Variants in SIPA1L2 observed in about 807,000 individuals in gnomAD.
The protein encoded by SIPA1L2 is signal-induced proliferation-associated 1-like protein 2.
Under a neutral mutation model 163.9 loss-of-function variants are expected in SIPA1L2, and 56 were observed. The ratio of observed to expected loss-of-function variants is 0.34; its 90% confidence interval spans 0.28 to 0.43. The LOEUF is 0.43. Among genes scored for constraint, SIPA1L2 ranks in the 20% least tolerant of loss-of-function variants. The probability of loss-of-function intolerance (pLI) is 1.00; values close to 1 mark genes in which losing one functional copy is unlikely to be tolerated. For missense variants in SIPA1L2, 1,974 were observed against 2,193.5 expected (o/e 0.90, Z 2.00); for synonymous variants, 877 against 865.7 (o/e 1.01, Z -0.23).
At chr1:232,473,962 T>C (rs1664915480) in intron 7 of SIPA1L2, among the ~76,000 whole-genome samples, 1 of 152,228 alleles carries the variant, frequency 6.6e-6, no homozygotes, top group Non-Finnish European at 1.5e-5. Context: ...TTTAGGACTT[T>C]GTCAAACATG....
chr1:232,430,094 C>A (rs192283805), intron 16 of SIPA1L2, among the ~76,000 whole-genome samples: 5 of 152,294 alleles, frequency 3.3e-5, no homozygotes, highest in Admixed American at 3.3e-4. Flanking sequence ...TGCCTGCCAC[C>A]GTGAGTAGTG....
chr1:232,531,502 T>C (rs1459648106), intron 2 of SIPA1L2, among the ~76,000 whole-genome samples: 1 of 152,226 alleles, frequency 6.6e-6, no homozygotes, highest in African/African-American at 2.4e-5. Flanking sequence ...TTTTATTTTT[T>C]CAACAAATAC....
chr1:232,404,101 C>T, intron 20 of SIPA1L2, 24 bp downstream of exon 20: 3 of 1,613,824 alleles, frequency 1.9e-6, no homozygotes, highest in Non-Finnish European at 2.5e-6. Context: ...TATCAGGAGC[C>T]AACGAGCAGC....
At chr1:232,542,781 T>C (rs1488569981) in intron 2 of SIPA1L2, among the ~76,000 whole-genome samples, 2 of 152,234 alleles carry the variant, frequency 1.3e-5, no homozygotes, top group African/African-American at 4.8e-5. Flanking sequence ...ATTCTGGTAG[T>C]CTGGGTCTTC....
chr1:232,529,100 G>A (rs77235798), intron 2 of SIPA1L2, among the ~76,000 whole-genome samples: 2,228 of 152,276 alleles, frequency 0.015, 59 homozygotes, highest in African/African-American at 0.051. Context: ...TTAGGTCATT[G>A]TTCTTTATAC....
intron 10 of SIPA1L2, among the ~76,000 whole-genome samples, chr1:232,457,772 A>C (rs530395763): frequency 6.6e-6 from 1 of 152,316 alleles, no homozygotes; most frequent in East Asian, 1.9e-4. Flanking sequence ...AGAAGGCTAA[A>C]CATGCTGAGC....
chr1:232,503,243 C>A (rs1417251435), intron 3 of SIPA1L2, among the ~76,000 whole-genome samples: 1 of 152,068 alleles, frequency 6.6e-6, no homozygotes, highest in Non-Finnish European at 1.5e-5. Flanking sequence ...AATCAGCTAA[C>A]AAGATCGCAG....
At chr1:232,474,892 T>C (rs1664964349) in intron 7 of SIPA1L2, among the ~76,000 whole-genome samples, 1 of 152,208 alleles carries the variant, frequency 6.6e-6, no homozygotes, top group African/African-American at 2.4e-5. Context: ...AGCCTCTATG[T>C]ATATGGGTTC....
At chr1:232,577,866 A>G (rs897508905) in intron 1 of SIPA1L2, among the ~76,000 whole-genome samples, 2 of 152,182 alleles carry the variant, frequency 1.3e-5, no homozygotes, top group Admixed American at 1.3e-4. Flanking sequence ...CATTGTTGCA[A>G]AGGATTTAGG....
chr1:232,515,124 G>C lies in SIPA1L2; in HGVS notation c.216C>G (p.Pro72=). ...GGPANGTPAV[P]KMGVRARVSE... ...ACACCCTTGCTCTCACACCCATCTT[G>C]GGCACAGCTGGGGTACCATTAGCCG... The change falls in exon 3 of 23, where the codon CCC becomes CCG. Residue 72 remains proline, a synonymous_variant. Coordinates refer to ENST00000674635, the MANE Select transcript of SIPA1L2 (RefSeq NM_020808.5). 1.2e-6 allele frequency: 2 copies of C among 1,613,894 alleles called. No homozygotes were observed. Among genetic ancestry groups the C allele is most frequent in the Non-Finnish European group, 1.7e-6 (2 of 1,179,868 alleles).
intron 1 of SIPA1L2, among the ~76,000 whole-genome samples, chr1:232,602,352 G>A (rs1404395252): frequency 6.6e-6 from 1 of 151,980 alleles, no homozygotes; most frequent in East Asian, 1.9e-4. Context: ...GTTTATTTAA[G>A]ATGGAGTCTC....
intron 1 of SIPA1L2, among the ~76,000 whole-genome samples, chr1:232,577,585 G>A (rs928468261): frequency 4.1e-4 from 63 of 152,242 alleles, no homozygotes; most frequent in East Asian, 7.7e-4. Flanking sequence ...ATGCCATCAA[G>A]AACATTCACG....
intron 10 of SIPA1L2, among the ~76,000 whole-genome samples, chr1:232,457,036 C>T (rs1261072926): frequency 6.6e-6 from 1 of 152,130 alleles, no homozygotes; most frequent in Non-Finnish European, 1.5e-5. Context: ...CGCTGAGGGA[C>T]AAGCTAGACT....
chr1:232,570,754 CTT>C (rs1310205608), intron 2 of SIPA1L2, among the ~76,000 whole-genome samples: 2 of 151,828 alleles, frequency 1.3e-5, no homozygotes, highest in Admixed American at 6.6e-5. Context: ...ATAAATAAAA[CTT>C]AATTTTAAAA....
chr1:232,592,929 A>C (rs1661041402), intron 1 of SIPA1L2, among the ~76,000 whole-genome samples: 1 of 152,142 alleles, frequency 6.6e-6, no homozygotes, highest in South Asian at 2.1e-4. Context: ...TAATGAAGAG[A>C]ATCAGTTCCC....
chr1:232,521,415 A>C (rs149083844), intron 2 of SIPA1L2, among the ~76,000 whole-genome samples: 1 of 152,300 alleles, frequency 6.6e-6, no homozygotes, highest in African/African-American at 2.4e-5. Context: ...TCCACAAGAA[A>C]CCCATATTAT....
intron 17 of SIPA1L2, 53 bp from the exon 18 acceptor site, chr1:232,425,861 A>G: frequency 1.5e-5 from 23 of 1,497,846 alleles, no homozygotes; most frequent in Middle Eastern, 1.7e-4. Context: ...AAACGAATGC[A>G]CGGGGCTTGT....
chr1:232,515,638 G>A, intron 2 of SIPA1L2, 30 bp from the exon 3 acceptor site: 1 of 322,556 alleles, frequency 3.1e-6, no homozygotes. Context: ...GTAGCCATTA[G>A]CAATTAATAT....
At chr1:232,594,438 G>A (rs1051322781) in intron 1 of SIPA1L2, among the ~76,000 whole-genome samples, 6 of 151,940 alleles carry the variant, frequency 3.9e-5, no homozygotes, top group Non-Finnish European at 8.8e-5. Context: ...AACACCGAGC[G>A]GAGCCAGGGC....
Sources: allele counts gnomAD v4.1 joint callset (sites outside exome capture counted in the v4.1 genomes callset), GRCh38; gene constraint gnomAD v4.1.1; transcripts MANE v1.5; gene names NCBI Gene and HGNC (gene_info 2026-07-23, HGNC 2026-07-21).